Variants in MAGI2 observed in about 807,000 individuals in gnomAD.
The protein encoded by MAGI2 is membrane associated guanylate kinase, WW and PDZ domain containing 2, also known as membrane-associated guanylate kinase, WW and PDZ domain-containing protein 2.
A neutral mutation model predicts 133.3 loss-of-function variants in MAGI2; 35 were observed. That is an observed-to-expected ratio of 0.26 (90% confidence interval 0.20 to 0.35). The LOEUF (loss-of-function observed/expected upper bound fraction) is 0.35. Ranked by LOEUF, MAGI2 falls within the 10% of genes least tolerant of loss-of-function variation. The probability of loss-of-function intolerance (pLI) is 1.00; values close to 1 mark genes in which losing one functional copy is unlikely to be tolerated. For synonymous variants in MAGI2, 729 were observed against 710.6 expected (o/e 1.03, Z -0.41); for missense variants, 1,636 against 1,863.4 (o/e 0.88, Z 2.25).
intron 10 of MAGI2, among the ~76,000 whole-genome samples, chr7:78,208,429 G>A (rs1787346244): frequency 6.6e-6 from 1 of 152,032 alleles, no homozygotes; most frequent in South Asian, 2.1e-4. Context: ...GCCTTAAACA[G>A]GAATAAAGGA....
chr7:78,419,145 G>A (rs1486950961), intron 6 of MAGI2, among the ~76,000 whole-genome samples: 1 of 152,112 alleles, frequency 6.6e-6, no homozygotes, highest in African/African-American at 2.4e-5. Context: ...AAGTTCTAGT[G>A]TCTTGGCCCC....
chr7:78,548,404 C>A (rs1799050456), intron 3 of MAGI2, among the ~76,000 whole-genome samples: 2 of 152,120 alleles, frequency 1.3e-5, no homozygotes, highest in South Asian at 4.1e-4. Context: ...TTTAAGATTG[C>A]TTTCATGTCG....
chr7:78,276,845 G>C (rs904153009), intron 9 of MAGI2, among the ~76,000 whole-genome samples: 1 of 152,048 alleles, frequency 6.6e-6, no homozygotes, highest in African/African-American at 2.4e-5. Flanking sequence ...ATATGTGCCT[G>C]GTAAATTCTA....
intron 4 of MAGI2, among the ~76,000 whole-genome samples, chr7:78,503,109 C>T (rs1005442113): frequency 5.3e-5 from 8 of 151,474 alleles, no homozygotes; most frequent in African/African-American, 9.7e-5. Context: ...ATACTCTAAG[C>T]GCAAAGAGAG....
chr7:79,071,259 TG>T (rs1198787051), intron 1 of MAGI2, among the ~76,000 whole-genome samples: 1 of 152,184 alleles, frequency 6.6e-6, no homozygotes, highest in East Asian at 1.9e-4. Flanking sequence ...CCTGTTTGCC[TG>T]GGTATCACTG....
At chr7:78,607,314 T>A (rs1311370524) in intron 3 of MAGI2, among the ~76,000 whole-genome samples, 1 of 151,970 alleles carries the variant, frequency 6.6e-6, no homozygotes, top group African/African-American at 2.4e-5. Context: ...TCTGGGTTGA[T>A]TGACCTATAG....
intron 21 of MAGI2, among the ~76,000 whole-genome samples, chr7:78,024,698 G>A (rs1417714641): frequency 6.6e-6 from 1 of 152,224 alleles, no homozygotes. Flanking sequence ...AATTGAAAGA[G>A]GGCCACGTGT....
chr7:78,048,987 A>G (rs916802472), intron 21 of MAGI2, among the ~76,000 whole-genome samples: 2 of 151,992 alleles, frequency 1.3e-5, no homozygotes, highest in Non-Finnish European at 2.9e-5. Flanking sequence ...GTGCGCCTGT[A>G]ATCCCAGCTA....
chr7:78,439,098 T>C (rs1192251626), intron 6 of MAGI2, among the ~76,000 whole-genome samples: 1 of 152,198 alleles, frequency 6.6e-6, no homozygotes, highest in Non-Finnish European at 1.5e-5. Context: ...TTTCTGAGTC[T>C]GCCATTCCAA....
At chr7:78,614,846 G>C (rs1231800371) in intron 3 of MAGI2, 1 of 152,150 alleles carries the variant, frequency 6.6e-6, no homozygotes, top group South Asian at 2.1e-4. Context: ...CCTTTCAGAA[G>C]TCCAAACTTT....
intron 3 of MAGI2, among the ~76,000 whole-genome samples, chr7:78,586,680 CCTT>C (rs1156894666): frequency 6.6e-6 from 1 of 152,172 alleles, no homozygotes; most frequent in East Asian, 1.9e-4. Context: ...ATCTCCAGAA[CCTT>C]CTTCATCTTC....
chr7:78,071,886 A>G (rs992668022), intron 21 of MAGI2, among the ~76,000 whole-genome samples: 2 of 152,224 alleles, frequency 1.3e-5, no homozygotes, highest in Non-Finnish European at 2.9e-5. Flanking sequence ...CTTTTGCCCT[A>G]TTAAAAATGC....
At chr7:78,642,971 T>A (rs999870231) in intron 2 of MAGI2, among the ~76,000 whole-genome samples, 4 of 152,158 alleles carry the variant, frequency 2.6e-5, no homozygotes, top group Admixed American at 6.5e-5. Flanking sequence ...GCCTTGTGAA[T>A]GGGATGTGGG....
intron 16 of MAGI2, among the ~76,000 whole-genome samples, chr7:78,150,028 C>T (rs556626862): frequency 6.6e-6 from 1 of 152,272 alleles, no homozygotes; most frequent in Non-Finnish European, 1.5e-5. Flanking sequence ...GAAATGATTC[C>T]AACCAAGTAC....
chr7:78,502,603 C>A (rs117367972), intron 4 of MAGI2, among the ~76,000 whole-genome samples: 1 of 152,090 alleles, frequency 6.6e-6, no homozygotes, highest in African/African-American at 2.4e-5. Flanking sequence ...TGTTCTTAAT[C>A]TCTTACTGCA....
At chr7:78,600,070 T>A (rs1381744357) in intron 3 of MAGI2, among the ~76,000 whole-genome samples, 3 of 152,192 alleles carry the variant, frequency 2.0e-5, no homozygotes, top group Non-Finnish European at 4.4e-5. Context: ...TGGTCTTTTT[T>A]TCTTAAAAAC....
chr7:79,058,837 T>C (rs1203376850), intron 1 of MAGI2, among the ~76,000 whole-genome samples: 1 of 152,098 alleles, frequency 6.6e-6, no homozygotes, highest in Non-Finnish European at 1.5e-5. Context: ...AAAATACCAG[T>C]GATGCAGGGC....
intron 1 of MAGI2, among the ~76,000 whole-genome samples, chr7:79,074,167 G>A (rs1815247894): frequency 6.6e-6 from 1 of 152,090 alleles, no homozygotes; most frequent in Non-Finnish European, 1.5e-5. Flanking sequence ...ATCATACACT[G>A]AACGTTCAAC....
chr7:79,181,464 A>G (rs1826614777), intron 1 of MAGI2, among the ~76,000 whole-genome samples: 1 of 151,954 alleles, frequency 6.6e-6, no homozygotes, highest in Non-Finnish European at 1.5e-5. Flanking sequence ...CAGCTAGAGC[A>G]GCTGGGACAC....
Sources: allele counts gnomAD v4.1 joint callset (sites outside exome capture counted in the v4.1 genomes callset), GRCh38; gene constraint gnomAD v4.1.1; transcripts MANE v1.5; gene names NCBI Gene and HGNC (gene_info 2026-07-23, HGNC 2026-07-21).